Variants in KCNMB4 observed in about 807,000 individuals in gnomAD.
KCNMB4 encodes the protein potassium calcium-activated channel subfamily M regulatory beta subunit 4.
KCNMB4 carries 3 observed loss-of-function variants against 20.7 expected under a neutral mutation model. The ratio of observed to expected loss-of-function variants is 0.14; its 90% CI spans 0.07 to 0.37. The LOEUF is 0.37. Among genes scored for constraint, KCNMB4 ranks in the 10% least tolerant of loss-of-function variants. The pLI is 1.00. For synonymous variants in KCNMB4, 110 were observed against 113.4 expected (o/e 0.97, Z 0.19); for missense variants, 168 against 265.9 (o/e 0.63, Z 2.56).
At chr12:70,423,669 G>A (rs935320629) in intron 2 of KCNMB4, among the ~76,000 whole-genome samples, 3 of 151,916 alleles carry the variant, frequency 2.0e-5, no homozygotes, top group Admixed American at 2.0e-4. Flanking sequence ...GTAGAGACAG[G>A]GTCTCCCTAT....
chr12:70,424,750 C>CA (rs749640741), intron 2 of KCNMB4, among the ~76,000 whole-genome samples: 115 of 140,792 alleles, frequency 8.2e-4, no homozygotes, highest in African/African-American at 1.6e-3. Flanking sequence ...AACTCCGTCT[C>CA]AAAAAAAAAA....
intron 1 of KCNMB4, among the ~76,000 whole-genome samples, chr12:70,368,935 A>G (rs914261136): frequency 2.6e-5 from 4 of 152,174 alleles, no homozygotes; most frequent in African/African-American, 9.6e-5. Flanking sequence ...AAGCAATCCC[A>G]ATGCTTTATG....
In KCNMB4 at chr12:70,427,047, A is replaced by C. The variant is rs140595471; in HGVS notation, c.465-3438A>C. Among the ~76,000 whole-genome samples, 10 of 152,204 alleles carry C rather than the reference A, an allele frequency of 6.6e-5. No homozygotes were observed. In the East Asian group the frequency reaches 1.9e-3, roughly 29 times the overall value. On this transcript the variant is annotated intron_variant, in intron 2 of 2. Transcript: ENST00000258111. ...TACCCCTTTTTTGCTTATTGTCCAC[A>C]TATTCTTGTCACCATCCTGGTTTTA...
chr12:70,407,460 C>CCT (rs1772419811), intron 2 of KCNMB4, among the ~76,000 whole-genome samples: 1 of 64,166 alleles, frequency 1.6e-5, no homozygotes, highest in African/African-American at 6.4e-5. Context: ...GTGCTGAATT[C>CCT]TTTTTTTTTT....
intron 1 of KCNMB4, among the ~76,000 whole-genome samples, chr12:70,398,934 GCT>G (rs368157798): frequency 6.3e-4 from 96 of 152,270 alleles, no homozygotes; most frequent in African/African-American, 2.2e-3. Flanking sequence ...GAAAAAGAAG[GCT>G]CCCTCAAGTA....
chr12:70,402,093 CTT>C (rs1868468221), intron 2 of KCNMB4, among the ~76,000 whole-genome samples: 2 of 152,178 alleles, frequency 1.3e-5, no homozygotes, highest in African/African-American at 4.8e-5. Context: ...TGCTCAAACT[CTT>C]TGCAATAGCC....
At chr12:70,428,813 G>T (rs1869281024) in intron 2 of KCNMB4, among the ~76,000 whole-genome samples, 1 of 152,184 alleles carries the variant, frequency 6.6e-6, no homozygotes, top group African/African-American at 2.4e-5. Context: ...TATACTAATG[G>T]TAGCACAAGT....
intron 2 of KCNMB4, among the ~76,000 whole-genome samples, chr12:70,412,878 T>C (rs1370125182): frequency 6.6e-6 from 1 of 152,238 alleles, no homozygotes; most frequent in Non-Finnish European, 1.5e-5. Flanking sequence ...AGTCTTATCA[T>C]TAGAGAATAG....
intron 1 of KCNMB4, among the ~76,000 whole-genome samples, chr12:70,372,821 A>G (rs1395975638): frequency 6.6e-6 from 1 of 152,204 alleles, no homozygotes; most frequent in African/African-American, 2.4e-5. Flanking sequence ...AAACATTATG[A>G]TATGAACATC....
chr12:70,396,790 G>A (rs547847907), intron 1 of KCNMB4, among the ~76,000 whole-genome samples: 3 of 152,306 alleles, frequency 2.0e-5, no homozygotes, highest in South Asian at 2.1e-4. Flanking sequence ...CATCCATGGT[G>A]GAACTATTAT....
At chr12:70,420,001 G>C (rs764363146) in intron 2 of KCNMB4, among the ~76,000 whole-genome samples, 4 of 152,058 alleles carry the variant, frequency 2.6e-5, no homozygotes, top group Non-Finnish European at 4.4e-5. Context: ...TGTCATAAAA[G>C]GCAAACACTG....
Position 70,392,811 on chromosome 12 carries a change from A to G in KCNMB4, c.337-7398A>G, listed in dbSNP as rs575774680. Among the ~76,000 whole-genome samples, 4 of 152,290 alleles carry G rather than the reference A, an allele frequency of 2.6e-5. No individual in the cohort carries two copies. In the East Asian group the frequency reaches 7.7e-4, roughly 29 times the overall value. On this transcript the variant is annotated intron_variant, in intron 1 of 2. Transcript: ENST00000258111. The stretch of plus-strand genomic sequence containing the variant: ...AACATAGGGACATAGGGAGGGCAAC[A>G]TCACACACTGGGGCCTGTTGGGGAG...
chr12:70,395,652 C>A (rs1868344627), intron 1 of KCNMB4, among the ~76,000 whole-genome samples: 3 of 152,136 alleles, frequency 2.0e-5, no homozygotes, highest in Non-Finnish European at 4.4e-5. Flanking sequence ...CATTGGAAGA[C>A]TTTATGTTAT....
intron 1 of KCNMB4, among the ~76,000 whole-genome samples, chr12:70,383,289 G>A (rs997902252): frequency 2.6e-5 from 4 of 152,190 alleles, no homozygotes; most frequent in Admixed American, 1.3e-4. Context: ...GTATATTTCA[G>A]TAAAGCTAAG....
rs1883692180 is a variant in KCNMB4 at position 70,376,698 on chromosome 12, C to G, written c.336+9628C>G. Among the ~76,000 whole-genome samples, 3 of 150,608 alleles carry G rather than the reference C, an allele frequency of 2.0e-5. No homozygotes were observed. In the East Asian group the frequency reaches 5.9e-4, roughly 29 times the overall value. On this transcript the variant is annotated intron_variant, in intron 1 of 2. Coordinates refer to ENST00000258111, the MANE Select transcript of KCNMB4 (RefSeq NM_014505.6). The stretch of plus-strand genomic sequence containing the variant: ...CCTAGGCAACATGGTGAAACCCCAC[C>G]TCTACAAAAATTAAAAAAAAACAAA...
At chr12:70,374,930 A>G (rs1458403516) in intron 1 of KCNMB4, among the ~76,000 whole-genome samples, 1 of 152,204 alleles carries the variant, frequency 6.6e-6, no homozygotes, top group Non-Finnish European at 1.5e-5. Context: ...TCTTTGTAAT[A>G]AATATATTTA....
chr12:70,402,989 C>G (rs1052349183), intron 2 of KCNMB4, among the ~76,000 whole-genome samples: 3 of 152,128 alleles, frequency 2.0e-5, no homozygotes, highest in African/African-American at 7.2e-5. Flanking sequence ...TTGCCCACAC[C>G]TAAACCAATC....
intron 2 of KCNMB4, among the ~76,000 whole-genome samples, chr12:70,404,882 G>A (rs112466836): frequency 1.6e-4 from 25 of 152,176 alleles, no homozygotes; most frequent in Non-Finnish European, 2.9e-4. Context: ...GAATCATGGC[G>A]CACAAGCTGT....
intron 2 of KCNMB4, among the ~76,000 whole-genome samples, chr12:70,407,516 G>A (rs187499562): frequency 0.12 from 16,288 of 134,212 alleles, 1,201 homozygotes; most frequent in Middle Eastern, 0.28. Flanking sequence ...CGCCCAGGCT[G>A]GAGTGCAGTG....
Sources: allele counts gnomAD v4.1 joint callset (sites outside exome capture counted in the v4.1 genomes callset), GRCh38; gene constraint gnomAD v4.1.1; transcripts MANE v1.5; gene names NCBI Gene and HGNC (gene_info 2026-07-23, HGNC 2026-07-21).